The following YWHAQ variants were observed in gnomAD, a reference collection of about 807,000 sequenced individuals.
YWHAQ encodes 14-3-3 protein theta.
In YWHAQ, 6 loss-of-function variants were observed where a neutral mutation model predicts 28.3. The observed-to-expected ratio is 0.21, with a 90% CI of 0.12 to 0.42. The LOEUF (loss-of-function observed/expected upper bound fraction) is 0.42, where lower values mean the gene tolerates loss of function less well. Ranked by LOEUF, YWHAQ falls within the 10% of genes least tolerant of loss-of-function variation. The probability of loss-of-function intolerance (pLI) is 1.00; values close to 1 mark genes in which losing one functional copy is unlikely to be tolerated. For missense variants in YWHAQ, 201 were observed against 305.6 expected (o/e 0.66, Z 2.55); for synonymous variants, 143 against 119.1 (o/e 1.20, Z -1.31).
intron 2 of YWHAQ, among the ~76,000 whole-genome samples, chr2:9,608,914 C>G (rs1012691806): frequency 1.3e-5 from 2 of 152,108 alleles, no homozygotes; most frequent in Non-Finnish European, 2.9e-5. Context: ...GCACTCCAGC[C>G]TGAGCAACAG....
chr2:9,589,836 C>A (rs1558540928), intron 3 of YWHAQ, among the ~76,000 whole-genome samples: 1 of 152,154 alleles, frequency 6.6e-6, no homozygotes, highest in Non-Finnish European at 1.5e-5. Context: ...GTATTACCAA[C>A]ACTAATCTGA....
chr2:9,602,338 C>T (rs917507706), intron 2 of YWHAQ, among the ~76,000 whole-genome samples: 6 of 151,904 alleles, frequency 3.9e-5, no homozygotes, highest in Non-Finnish European at 5.9e-5. Flanking sequence ...TTGTTTGTAC[C>T]CAGATGTTCA....
At chr2:9,603,002 C>T (rs995671262) in intron 2 of YWHAQ, among the ~76,000 whole-genome samples, 6 of 147,916 alleles carry the variant, frequency 4.1e-5, no homozygotes, top group African/African-American at 1.5e-4. Context: ...AACTTACAGG[C>T]ATAAGCCACC....
At chr2:9,612,868 A>G (rs528701855) in intron 2 of YWHAQ, among the ~76,000 whole-genome samples, 3 of 152,266 alleles carry the variant, frequency 2.0e-5, no homozygotes, top group African/African-American at 7.2e-5. Flanking sequence ...AGGTCATCCA[A>G]CTACAGCCTC....
At chr2:9,615,683 G>A (rs1025073014) in intron 2 of YWHAQ, among the ~76,000 whole-genome samples, 5 of 152,144 alleles carry the variant, frequency 3.3e-5, no homozygotes, top group African/African-American at 9.7e-5. Context: ...ACTGGTTGAA[G>A]GGCATATATA....
intron 2 of YWHAQ, among the ~76,000 whole-genome samples, chr2:9,622,608 A>G (rs1188361171): frequency 1.3e-4 from 20 of 152,214 alleles, no homozygotes; most frequent in Admixed American, 1.3e-3. Flanking sequence ...GGAAAAACTT[A>G]TAATAGGGAA....
At chr2:9,617,127 ATT>A (rs566898850) in intron 2 of YWHAQ, among the ~76,000 whole-genome samples, 12 of 140,136 alleles carry the variant, frequency 8.6e-5, no homozygotes, top group East Asian at 2.1e-4. Flanking sequence ...CGCCCGGCTA[ATT>A]TTTTTTTTTT....
intron 3 of YWHAQ, 131 bp downstream of exon 3, chr2:9,591,261 A>C (rs1200959972): frequency 1.1e-5 from 12 of 1,122,736 alleles, no homozygotes; most frequent in Non-Finnish European, 1.3e-5. Flanking sequence ...AGGTAATACT[A>C]ATTTTCTTGA....
chr2:9,587,567 A>G (rs1666370171), intron 4 of YWHAQ, 58 bp from the exon 5 acceptor site: 1 of 1,446,574 alleles, frequency 6.9e-7, no homozygotes, highest in Admixed American at 2.0e-5. Flanking sequence ...TGGTTATTCT[A>G]CAATTACAAA....
intron 2 of YWHAQ, among the ~76,000 whole-genome samples, chr2:9,597,255 T>A (rs1437172845): frequency 1.3e-5 from 2 of 152,172 alleles, no homozygotes; most frequent in East Asian, 3.8e-4. Context: ...TCCAAGTTGA[T>A]CATATAACAT....
chr2:9,602,862 A>AAAAAAATAT (rs1666739720), intron 2 of YWHAQ, among the ~76,000 whole-genome samples: 1 of 20,872 alleles, frequency 4.8e-5, no homozygotes, highest in Non-Finnish European at 7.7e-5. Context: ...AAAAAAAAAA[A>AAAAAAATAT]ATATATATAT....
chr2:9,602,853 AAAAAAAAAAATATATATATATATATATAT>A (rs1177650407), intron 2 of YWHAQ, among the ~76,000 whole-genome samples: 5 of 15,590 alleles, frequency 3.2e-4, no homozygotes, highest in African/African-American at 1.5e-3. Context: ...AAAAAAAAAA[AAAAAAAAAAATATATATATATATATATAT>A]ATATATATAT....
At chr2:9,601,572 G>T (rs974418893) in intron 2 of YWHAQ, among the ~76,000 whole-genome samples, 1 of 152,048 alleles carries the variant, frequency 6.6e-6, no homozygotes, top group African/African-American at 2.4e-5. Context: ...TCATATAAAA[G>T]GTAATAAAAC....
chr2:9,598,829 C>A (rs1179030482), intron 2 of YWHAQ, among the ~76,000 whole-genome samples: 1 of 152,146 alleles, frequency 6.6e-6, no homozygotes, highest in African/African-American at 2.4e-5. Context: ...ATTAATAACC[C>A]TACAATGGCC....
intron 2 of YWHAQ, among the ~76,000 whole-genome samples, chr2:9,595,429 G>A (rs1393422350): frequency 6.6e-6 from 1 of 152,158 alleles, no homozygotes; most frequent in African/African-American, 2.4e-5. Flanking sequence ...CGAGGGCCAG[G>A]TGCCGTGACT....
rs1667331435 is a variant in YWHAQ, at chr2:9,630,103, C to G, written c.294+56G>C. The G allele has an allele frequency of 1.9e-6, 3 of 1,563,402 alleles. No homozygotes were observed. Among genetic ancestry groups the G allele is most frequent in the East Asian group, 2.3e-5 (1 of 44,312 alleles). ...CGTTTGTTTCCGTGCCCGCGAAACT[C>G]TCAATGAAAAGCATCTCACAAAAGG... is the stretch of plus-strand genomic sequence containing the variant. On this transcript the variant is annotated intron_variant, in intron 2 of 5. Transcript: ENST00000238081. This position sits in a 1 kb window ranked among gnomAD's most constrained non-coding sequence, Gnocchi z 5.6.
intron 2 of YWHAQ, among the ~76,000 whole-genome samples, chr2:9,625,845 CAG>C (rs1482148959): frequency 1.3e-5 from 2 of 152,088 alleles, no homozygotes; most frequent in Non-Finnish European, 2.9e-5. Context: ...AGAAATTTGC[CAG>C]AGTCCACGAA....
intron 2 of YWHAQ, among the ~76,000 whole-genome samples, chr2:9,606,432 T>C (rs1185733712): frequency 8.8e-6 from 1 of 113,962 alleles, no homozygotes; most frequent in Admixed American, 8.0e-5. Context: ...AAAATAAAAA[T>C]AAAAAACCTT....
intron 2 of YWHAQ, among the ~76,000 whole-genome samples, chr2:9,597,524 T>C (rs1572990826): frequency 1.3e-5 from 2 of 148,156 alleles, no homozygotes; most frequent in East Asian, 2.0e-4. Context: ...CAGGCACCTG[T>C]AATCCCAGCT....
Sources: gnomAD v4.1 joint callset for allele counts (sites outside exome capture counted in the v4.1 genomes callset) on GRCh38, gnomAD v4.1.1 for gene constraint, Gnocchi (gnomAD v3.1) non-coding constraint, MANE v1.5 for transcripts, NCBI Gene and HGNC (gene_info 2026-07-23, HGNC 2026-07-21) for gene names.